DPP8: variants seen among roughly 807,000 people sequenced by gnomAD.
DPP8 encodes DPP VIII.
In DPP8, 31 loss-of-function variants were observed where a neutral mutation model predicts 107.5. The observed-to-expected ratio is 0.29, with a 90% CI of 0.22 to 0.39. The LOEUF is 0.39. Among genes scored for constraint, DPP8 ranks in the 10% least tolerant of loss-of-function variants. The pLI, the probability that DPP8 is intolerant of heterozygous loss-of-function variation, is 1.00. For synonymous variants in DPP8, 381 were observed against 356.6 expected (o/e 1.07, Z -0.77); for missense variants, 842 against 1,076.1 (o/e 0.78, Z 3.04).
chr15:65,516,117 C>A (rs2071412416), intron 1 of DPP8: 1 of 267,614 alleles, frequency 3.7e-6, no homozygotes, highest in Admixed American at 5.3e-5. Context: ...GTGACTATTG[C>A]AAATCATCAA....
chr15:65,475,306 G>T, intron 11 of DPP8: 2 of 800,750 alleles, frequency 2.5e-6, no homozygotes, highest in South Asian at 1.5e-5. Flanking sequence ...CCAGTGGTAG[G>T]TGGAAGTTGG....
At position 65,481,545 on chromosome 15, in the gene DPP8, G is replaced by T; in HGVS notation, c.1088C>A (p.Ala363Asp). ...TCCCTCAGGAGTCCATCCAGCTCTGGCAATATATTCAACTCCTTCAAATAG... is the reference window on the plus strand; with the variant it reads ...TCCCTCAGGAGTCCATCCAGCTCTGTCAATATATTCAACTCCTTCAAATAG... ...EILFEGVEYIARAGWTPEGKY... is the reference protein window; with the variant it reads ...EILFEGVEYIDRAGWTPEGKY... Residue 363 changes from alanine (A) to aspartate (D), a missense_variant, in exon 9 of 20, where the codon GCC becomes GAC. Ala to Asp is a moderately radical substitution (Grantham distance 126). Around this residue, in one of 2 missense-constraint regions of DPP8, gnomAD observed 663 missense variants for 758.0 expected, o/e 0.87. Transcript: ENST00000300141. 1 of 1,591,684 alleles carries T rather than the reference G, an allele frequency of 6.3e-7. No homozygotes were observed. Among genetic ancestry groups the T allele is most frequent in the Non-Finnish European group, 8.5e-7 (1 of 1,170,404 alleles).
rs2140279867 is a variant in DPP8 at position 65,445,310 on chromosome 15, GT to G, written c.*1573del. On this transcript the variant is annotated 3_prime_UTR_variant, in exon 20 of 20. Transcript: ENST00000300141. ...ATATAGCAAATTTTCTTGGAGTGTTGTTTAAAAGTATTGGTAATAACTTTCT... is the reference window on the plus strand; with the variant it reads ...ATATAGCAAATTTTCTTGGAGTGTTGTTAAAAGTATTGGTAATAACTTTCT... 6.6e-6 allele frequency: 1 copy of G among 152,276 alleles called. No individual in the cohort carries two copies. Among genetic ancestry groups the G allele is most frequent in the South Asian group, 2.1e-4 (1 of 4,822 alleles). The allele number at this position is 152,276 out of a possible 1,614,324, so 9.4% of individuals were successfully genotyped here. A position where few individuals can be genotyped will look rare whatever the true frequency, so the allele number is the denominator to read the frequency against.
chr15:65,448,751 CATAT>C (rs1482731856), intron 19 of DPP8, among the ~76,000 whole-genome samples: 2 of 128,966 alleles, frequency 1.6e-5, no homozygotes, highest in Non-Finnish European at 3.3e-5. Flanking sequence ...CTAAAATATA[CATAT>C]ATATCTGAAA....
chr15:65,506,388 C>T (rs2141051740), intron 3 of DPP8, among the ~76,000 whole-genome samples: 1 of 151,890 alleles, frequency 6.6e-6, no homozygotes, highest in East Asian at 1.9e-4. Context: ...TAATGAGAAC[C>T]AAAGAAGCAA....
At chr15:65,505,374 T>G (rs890256042) in intron 3 of DPP8, among the ~76,000 whole-genome samples, 17 of 151,070 alleles carry the variant, frequency 1.1e-4, no homozygotes, top group African/African-American at 4.1e-4. Flanking sequence ...AAAAATAGTC[T>G]GAGCAGTAGG....
chr15:65,450,238 G>A (rs1240520650), intron 19 of DPP8, among the ~76,000 whole-genome samples: 1 of 152,118 alleles, frequency 6.6e-6, no homozygotes, highest in African/African-American at 2.4e-5. Flanking sequence ...AAAGTGCTGG[G>A]ATTACAGGTA....
intron 15 of DPP8, among the ~76,000 whole-genome samples, chr15:65,457,247 G>A (rs971861967): frequency 1.6e-4 from 25 of 152,136 alleles, no homozygotes; most frequent in Non-Finnish European, 5.9e-5. Context: ...CCAGTCACTC[G>A]GGAGGCAGAG....
chr15:65,506,187 G>C (rs964722756), intron 3 of DPP8, among the ~76,000 whole-genome samples: 1 of 151,666 alleles, frequency 6.6e-6, no homozygotes, highest in African/African-American at 2.4e-5. Context: ...AAATTAGCTG[G>C]GCGTGGTGGC....
chr15:65,512,890 GC>G lies in DPP8; in HGVS notation c.-11-327del, dbSNP rs1195969215. On this transcript the variant is annotated intron_variant, in intron 1 of 19. Transcript: ENST00000300141. ...CACACTGGAAGGAAACAGGCCATTT[GC>G]CAGTTGGCTGCTATGCTCCACCCAA... is the stretch of plus-strand genomic sequence containing the variant. The G allele has an allele frequency of 1.5e-5, 4 of 271,044 alleles. No homozygotes were observed. In the East Asian group the frequency reaches 3.1e-4, roughly 21 times the overall value. 16.8% of individuals were successfully genotyped at this position (271,044 alleles called of 1,614,324 possible).
At chr15:65,450,425 G>A (rs1239095293) in intron 19 of DPP8, among the ~76,000 whole-genome samples, 1 of 152,064 alleles carries the variant, frequency 6.6e-6, no homozygotes, top group Non-Finnish European at 1.5e-5. Context: ...ATATCTCATA[G>A]TTTAAACATA....
At chr15:65,478,820 T>A in intron 11 of DPP8, 60 bp downstream of exon 11, 1 of 1,183,838 alleles carries the variant, frequency 8.4e-7, no homozygotes, top group Non-Finnish European at 1.2e-6. Flanking sequence ...CATTCCCCTG[T>A]CCCTCCCACC....
intron 11 of DPP8, among the ~76,000 whole-genome samples, chr15:65,477,855 A>T (rs1046475680): frequency 6.6e-6 from 1 of 152,130 alleles, no homozygotes; most frequent in Non-Finnish European, 1.5e-5. Context: ...ATTAAAAAGG[A>T]CCATGCCAAA....
At chr15:65,449,852 T>C (rs2063836718) in intron 19 of DPP8, among the ~76,000 whole-genome samples, 1 of 152,200 alleles carries the variant, frequency 6.6e-6, no homozygotes, top group African/African-American at 2.4e-5. Context: ...ATTAAAGGAA[T>C]TTAGAAAAAT....
chr15:65,504,432 G>A (rs531205609), intron 3 of DPP8, among the ~76,000 whole-genome samples: 1 of 152,000 alleles, frequency 6.6e-6, no homozygotes, highest in South Asian at 2.1e-4. Flanking sequence ...AGCACATTGG[G>A]AGGCTGAGGT....
At chr15:65,510,943 T>C (rs1221103237) in intron 2 of DPP8, among the ~76,000 whole-genome samples, 2 of 152,124 alleles carry the variant, frequency 1.3e-5, no homozygotes, top group Non-Finnish European at 1.5e-5. Context: ...CTGGGAAAGA[T>C]CAAAAAGTTT....
intron 8 of DPP8, among the ~76,000 whole-genome samples, chr15:65,483,514 C>A (rs985302201): frequency 6.6e-6 from 1 of 151,644 alleles, no homozygotes; most frequent in African/African-American, 2.4e-5. Flanking sequence ...AAAGTGAGAC[C>A]TTTCTCTTTT....
intron 12 of DPP8, 116 bp from the exon 13 acceptor site, chr15:65,467,339 T>C (rs1333251848): frequency 2.1e-6 from 2 of 969,930 alleles, no homozygotes; most frequent in African/African-American, 3.3e-5. Flanking sequence ...CTTTTTTCTT[T>C]TTTTTGCTGC....
intron 4 of DPP8, among the ~76,000 whole-genome samples, chr15:65,498,841 C>T (rs2068866294): frequency 6.6e-6 from 1 of 151,888 alleles, no homozygotes; most frequent in South Asian, 2.1e-4. Flanking sequence ...ATCACTTGAG[C>T]CTAAAGTCCA....
Sources: gnomAD v4.1 joint callset for allele counts (sites outside exome capture counted in the v4.1 genomes callset) on GRCh38, gnomAD v4.1.1 for gene constraint, gnomAD v4.1.1 regional missense constraint, MANE v1.5 for transcripts, NCBI Gene and HGNC (gene_info 2026-07-23, HGNC 2026-07-21) for gene names.